The following CLSTN2 variants were observed in gnomAD, a reference collection of about 807,000 sequenced individuals.
The protein encoded by CLSTN2 is calsyntenin 2, also known as calsyntenin-2.
A neutral mutation model predicts 101.2 loss-of-function variants in CLSTN2; 48 were observed. The ratio of observed to expected loss-of-function variants is 0.47; its 90% CI spans 0.38 to 0.60. The LOEUF is 0.60. Among genes scored for constraint, CLSTN2 ranks in the 20% least tolerant of loss-of-function variants. CLSTN2 has a pLI of 0.00. For synonymous variants in CLSTN2, 481 were observed against 463.6 expected (o/e 1.04, Z -0.48); for missense variants, 1,160 against 1,238.2 (o/e 0.94, Z 0.95).
rs866500388 is a variant in CLSTN2, at chr3:140,396,676, G to A, written c.233-6953G>A. Among the ~76,000 whole-genome samples the A allele has an allele frequency of 2.1e-4, 32 of 152,262 alleles. No homozygotes were observed. The Middle Eastern group carries it at 0.027, about 129-fold the overall frequency. On this transcript the variant is annotated intron_variant, in intron 2 of 16. Coordinates refer to ENST00000458420, the MANE Select transcript of CLSTN2 (RefSeq NM_022131.3). ...TTCCAGCCCATCTGGGCCAGATTTG[G>A]ATAGAGATGTGGAAATAATTTCCCC...
At chr3:140,211,741 C>A (rs970667086) in intron 2 of CLSTN2, among the ~76,000 whole-genome samples, 1 of 151,762 alleles carries the variant, frequency 6.6e-6, no homozygotes, top group Non-Finnish European at 1.5e-5. Context: ...AATAACCCAC[C>A]CCTTACCCTA....
intron 1 of CLSTN2, among the ~76,000 whole-genome samples, chr3:140,063,074 G>A (rs2008234202): frequency 6.6e-6 from 1 of 152,132 alleles, no homozygotes; most frequent in East Asian, 1.9e-4. Flanking sequence ...TTCTGAAGTA[G>A]TGATTAATGT....
intron 6 of CLSTN2, among the ~76,000 whole-genome samples, chr3:140,456,388 C>T (rs115544572): frequency 2.5e-3 from 380 of 152,224 alleles, no homozygotes; most frequent in African/African-American, 8.6e-3. Context: ...ATATTCACCG[C>T]GCAGATGAGT....
chr3:140,356,991 G>A (rs2087677852), intron 2 of CLSTN2, among the ~76,000 whole-genome samples: 1 of 152,138 alleles, frequency 6.6e-6, no homozygotes, highest in African/African-American at 2.4e-5. Context: ...GAGGCTGACA[G>A]AAGAAAGCAG....
At chr3:140,405,209 T>C (rs186595505) in intron 4 of CLSTN2, among the ~76,000 whole-genome samples, 103 of 151,204 alleles carry the variant, frequency 6.8e-4, no homozygotes, top group Non-Finnish European at 1.2e-3. Context: ...TTGAAATCCC[T>C]TCTAAACCAT....
At chr3:140,146,222 A>G (rs1412347282) in intron 1 of CLSTN2, among the ~76,000 whole-genome samples, 3 of 152,254 alleles carry the variant, frequency 2.0e-5, no homozygotes, top group Non-Finnish European at 4.4e-5. Flanking sequence ...AATAAGTTCA[A>G]CTAAGCATAT....
At chr3:140,006,534 T>A (rs1305049222) in intron 1 of CLSTN2, among the ~76,000 whole-genome samples, 1 of 152,202 alleles carries the variant, frequency 6.6e-6, no homozygotes, top group Non-Finnish European at 1.5e-5. Context: ...TCTGGCTGGC[T>A]GCATAGTGCT....
chr3:139,989,174 G>A (rs927472211), intron 1 of CLSTN2, among the ~76,000 whole-genome samples: 1 of 152,174 alleles, frequency 6.6e-6, no homozygotes, highest in African/African-American at 2.4e-5. Context: ...CTCCTCTGAT[G>A]TTGCAAACCC....
chr3:140,378,457 A>G (rs2087943743), intron 2 of CLSTN2, among the ~76,000 whole-genome samples: 1 of 152,246 alleles, frequency 6.6e-6, no homozygotes, highest in East Asian at 1.9e-4. Flanking sequence ...AAATGAATAG[A>G]ATTTTTCCAT....
At chr3:140,091,448 A>G (rs996496335) in intron 1 of CLSTN2, among the ~76,000 whole-genome samples, 3 of 152,030 alleles carry the variant, frequency 2.0e-5, no homozygotes, top group Admixed American at 2.0e-4. Context: ...CCTTGGGGGA[A>G]GGAATTCCTA....
rs180987936 is a variant in CLSTN2, at chr3:140,262,766, T to G, written c.232+86693T>G. Among the ~76,000 whole-genome samples the G allele has an allele frequency of 6.7e-3, 1,023 of 152,168 alleles. 4 individuals are homozygous for G. Among genetic ancestry groups the G allele is most frequent in the Middle Eastern group, 0.01 (3 of 294 alleles). ...ATGATGAGAGTAAAGGTTTTTGGTC[T>G]GGAAGCAGTCAACAAAGAGCCCAGG... On this transcript the variant is annotated intron_variant, in intron 2 of 16. Coordinates refer to ENST00000458420, the MANE Select transcript of CLSTN2 (RefSeq NM_022131.3).
At chr3:140,122,406 C>T (rs2009357451) in intron 1 of CLSTN2, among the ~76,000 whole-genome samples, 2 of 152,152 alleles carry the variant, frequency 1.3e-5, no homozygotes, top group South Asian at 4.1e-4. Context: ...GGCTAAATGA[C>T]AAGGAGTGGT....
intron 1 of CLSTN2, among the ~76,000 whole-genome samples, chr3:139,979,088 G>GT (rs1935870602): frequency 6.6e-6 from 1 of 152,148 alleles, no homozygotes; most frequent in South Asian, 2.1e-4. Flanking sequence ...CGCTTTGGAG[G>GT]TGGAAGGCCT....
At chr3:140,292,548 C>A (rs1331031195) in intron 2 of CLSTN2, among the ~76,000 whole-genome samples, 1 of 152,168 alleles carries the variant, frequency 6.6e-6, no homozygotes, top group Non-Finnish European at 1.5e-5. Flanking sequence ...CCATAAGCTG[C>A]AACATTAATC....
At chr3:140,064,071 A>C (rs1305507674) in intron 1 of CLSTN2, among the ~76,000 whole-genome samples, 1 of 152,176 alleles carries the variant, frequency 6.6e-6, no homozygotes, top group African/African-American at 2.4e-5. Context: ...CCCGGTGAGC[A>C]AGCGTGAACA....
intron 2 of CLSTN2, among the ~76,000 whole-genome samples, chr3:140,338,279 T>C (rs1260019334): frequency 6.6e-6 from 1 of 152,138 alleles, no homozygotes; most frequent in Non-Finnish European, 1.5e-5. Context: ...CTCCACTTTC[T>C]GCTCCGTACT....
chr3:139,957,697 G>C (rs1935431894), intron 1 of CLSTN2, among the ~76,000 whole-genome samples: 1 of 152,130 alleles, frequency 6.6e-6, no homozygotes, highest in South Asian at 2.1e-4. Flanking sequence ...GAGGGTTTGA[G>C]GTTTGAAAGG....
chr3:140,136,156 C>G (rs1320260), intron 1 of CLSTN2, among the ~76,000 whole-genome samples: 1 of 151,996 alleles, frequency 6.6e-6, no homozygotes, highest in Non-Finnish European at 1.5e-5. Flanking sequence ...TTGAAAATAT[C>G]TATCACCCTT....
At chr3:140,228,648 T>C (rs1006456119) in intron 2 of CLSTN2, among the ~76,000 whole-genome samples, 13 of 152,118 alleles carry the variant, frequency 8.5e-5, no homozygotes, top group Non-Finnish European at 1.9e-4. Flanking sequence ...ACTGGGCAAT[T>C]TACAAAAGAA....
Sources: allele counts gnomAD v4.1 joint callset (sites outside exome capture counted in the v4.1 genomes callset), GRCh38; gene constraint gnomAD v4.1.1; transcripts MANE v1.5; gene names NCBI Gene and HGNC (gene_info 2026-07-23, HGNC 2026-07-21).